BOC: variants seen among roughly 807,000 people sequenced by gnomAD.
BOC encodes the protein brother of CDO.
A neutral mutation model predicts 112.0 loss-of-function variants in BOC; 76 were observed. The observed-to-expected ratio is 0.68, with a 90% CI of 0.56 to 0.82. The LOEUF is 0.82. Ranked by LOEUF, BOC falls within the 40% of genes least tolerant of loss-of-function variation. The probability of loss-of-function intolerance (pLI) is 0.00; values close to 1 mark genes in which losing one functional copy is unlikely to be tolerated. For missense variants in BOC, 1,309 were observed against 1,511.7 expected, an observed-to-expected ratio of 0.87 and a Z score of 2.22; for synonymous variants, 580 against 599.8, an observed-to-expected ratio of 0.97 and a Z score of 0.48.
At chr3:113,261,502 A>G (rs1444037240) in intron 4 of BOC, among the ~76,000 whole-genome samples, 1 of 152,232 alleles carries the variant, frequency 6.6e-6, no homozygotes, top group East Asian at 1.9e-4. Context: ...GAAGTCGGGT[A>G]GATGAGATGG....
chr3:113,233,148 G>GGTGGGTGTGTGT (rs1942905286), intron 2 of BOC, among the ~76,000 whole-genome samples: 2 of 123,960 alleles, frequency 1.6e-5, no homozygotes, highest in Admixed American at 1.7e-4. Flanking sequence ...AAAGGATTGG[G>GGTGGGTGTGTGT]GTGTGTGTGT....
chr3:113,241,606 A>G (rs1559828589), intron 2 of BOC, among the ~76,000 whole-genome samples: 1 of 152,220 alleles, frequency 6.6e-6, no homozygotes, highest in Non-Finnish European at 1.5e-5. Flanking sequence ...AAAAACAGAA[A>G]GAAAGTGGGA....
At chr3:113,253,336 T>G (rs1207031258) in intron 4 of BOC, among the ~76,000 whole-genome samples, 2 of 152,132 alleles carry the variant, frequency 1.3e-5, no homozygotes, top group African/African-American at 4.8e-5. Flanking sequence ...ACACCTGTAA[T>G]CCCAGCACTT....
rs1005858636 is a variant in BOC at position 113,249,952 on chromosome 3, G to A, written c.97+53G>A. ...CCTTACAGTCAAATGGAAACATTCCGCATTCTACAATAACTCTTTAAAAAG... is the reference window on the plus strand; with the variant it reads ...CCTTACAGTCAAATGGAAACATTCCACATTCTACAATAACTCTTTAAAAAG... On this transcript the variant is annotated intron_variant, in intron 3 of 19. Coordinates refer to ENST00000682979, the MANE Select transcript of BOC (RefSeq NM_001378074.1). 73 of 1,481,514 alleles carry A rather than the reference G, an allele frequency of 4.9e-5. No homozygotes were observed. In the Admixed American group the frequency reaches 6.7e-4, roughly 14 times the overall value. The allele number at this position is 1,481,514 out of a possible 1,614,324, so 91.8% of individuals were successfully genotyped here. A position where few individuals can be genotyped will look rare whatever the true frequency, so the allele number is the denominator to read the frequency against.
At position 113,273,259 on chromosome 3, in the gene BOC, G is replaced by A. The variant is rs1018129619; in HGVS notation, c.1152G>A (p.Glu384=). 9 of 1,613,108 alleles carry A rather than the reference G, an allele frequency of 5.6e-6. No individual in the cohort carries two copies. The highest frequency in any genetic ancestry group is 5.9e-6 in the Non-Finnish European group (7 of 1,179,748). The change falls in exon 8 of 20, where the codon GAG becomes GAA. Residue 384 remains glutamate (E), a synonymous_variant. Coordinates refer to ENST00000682979, the MANE Select transcript of BOC (RefSeq NM_001378074.1). ...TGCGCGTGCTCAGCATGGGGCCTGA[G>A]GACGAAGGCGTCTACCAGTGCATGG... ...RALRVLSMGP[E]DEGVYQCMAE... is the part of the protein sequence containing the mutation.
intron 2 of BOC, among the ~76,000 whole-genome samples, chr3:113,224,726 A>C (rs539882842): frequency 6.6e-6 from 1 of 152,206 alleles, no homozygotes; most frequent in South Asian, 2.1e-4. Context: ...TTAGAGGCCA[A>C]GGCAGGCAGA....
chr3:113,283,550 T>G lies in BOC; in HGVS notation c.2574T>G (p.Ile858Met), dbSNP rs1424303822. Reference protein sequence around the residue: ...VARSSDLPYLIVGVVLGSIVL... With the variant: ...VARSSDLPYLMVGVVLGSIVL... ...GCTCCAGCGACCTGCCCTATCTGAT[T>G]GTCGGGGTCGTCCTGGGCTCCATCG... Residue 858 changes from isoleucine to methionine, a missense_variant, in exon 16 of 20, where the codon ATT becomes ATG. Physicochemically the swap from Ile to Met is conservative, Grantham distance 10. Transcript: ENST00000682979. 1 of 1,613,846 alleles carries G rather than the reference T, an allele frequency of 6.2e-7. No individual in the cohort carries two copies. The highest frequency in any genetic ancestry group is 1.3e-5 in the African/African-American group (1 of 74,840).
chr3:113,232,941 C>T (rs1021714316), intron 2 of BOC, among the ~76,000 whole-genome samples: 4 of 152,080 alleles, frequency 2.6e-5, no homozygotes, highest in Non-Finnish European at 4.4e-5. Context: ...TTTTAAAGTT[C>T]GGGGTAAGGG....
intron 2 of BOC, among the ~76,000 whole-genome samples, chr3:113,240,183 A>G (rs750851751): frequency 2.0e-5 from 3 of 152,236 alleles, no homozygotes; most frequent in Non-Finnish European, 4.4e-5. Flanking sequence ...CTAGGAAACT[A>G]GAGATTGATG....
At chr3:113,284,922 A>T in intron 18 of BOC, 64 bp downstream of exon 18, 4 of 1,455,880 alleles carry the variant, frequency 2.7e-6, no homozygotes, top group African/African-American at 1.4e-5. Context: ...TAGCTCCTCA[A>T]ATCCAAGGCC....
intron 4 of BOC, among the ~76,000 whole-genome samples, chr3:113,264,559 G>T (rs1209043420): frequency 6.6e-6 from 1 of 152,178 alleles, no homozygotes. Flanking sequence ...GGAACAGGCT[G>T]GTTTCCTTCA....
chr3:113,274,561 C>A lies in BOC; in HGVS notation c.1421C>A (p.Ala474Asp). ...GEKGQGAPAE[A>D]PIILSSPRTS... Reference sequence around the variant, plus strand: ...AAGGGGCAGGGGGCTCCCGCCGAGGCTCCCATCATCCTCAGCTCGCCCCGC... The same window carrying A: ...AAGGGGCAGGGGGCTCCCGCCGAGGATCCCATCATCCTCAGCTCGCCCCGC... Residue 474 changes from alanine to aspartate, a missense_variant, in exon 9 of 20, where the codon GCT becomes GAT. Physicochemically the swap from Ala to Asp is moderately radical, Grantham distance 126. Transcript: ENST00000682979. The surrounding 1 kb of genome is among the most constrained non-coding windows in gnomAD (Gnocchi z 4.8). 2 of 1,613,602 alleles carry A rather than the reference C, an allele frequency of 1.2e-6. No homozygotes were observed. Among genetic ancestry groups the A allele is most frequent in the South Asian group, 1.1e-5 (1 of 91,084 alleles).
At chr3:113,257,838 C>T (rs1212758522) in intron 4 of BOC, among the ~76,000 whole-genome samples, 1 of 152,188 alleles carries the variant, frequency 6.6e-6, no homozygotes, top group East Asian at 1.9e-4. Context: ...ACTTGAAAAA[C>T]AGCAAAGCAC....
intron 2 of BOC, among the ~76,000 whole-genome samples, chr3:113,236,228 A>ATGTG (rs765387902): frequency 0.013 from 1,008 of 77,854 alleles, 39 homozygotes; most frequent in African/African-American, 0.033. Flanking sequence ...ATATACGTAT[A>ATGTG]TGTGTGTGTG....
chr3:113,237,208 T>G (rs1351951697), intron 2 of BOC, among the ~76,000 whole-genome samples: 2 of 152,156 alleles, frequency 1.3e-5, no homozygotes. Context: ...GTGGTAAAGA[T>G]TAAAAGTGTT....
chr3:113,262,853 A>G (rs1947039335), intron 4 of BOC, among the ~76,000 whole-genome samples: 1 of 152,198 alleles, frequency 6.6e-6, no homozygotes, highest in Non-Finnish European at 1.5e-5. Context: ...GAGAGCCCCC[A>G]TATTGTCCAG....
intron 2 of BOC, among the ~76,000 whole-genome samples, chr3:113,241,443 C>T (rs547178335): frequency 2.6e-5 from 4 of 152,232 alleles, no homozygotes; most frequent in Admixed American, 2.6e-4. Context: ...CCGGGAACTC[C>T]TACTTCTCAC....
At chr3:113,273,784 G>T (rs774453332) in intron 8 of BOC, among the ~76,000 whole-genome samples, 2 of 152,180 alleles carry the variant, frequency 1.3e-5, no homozygotes, top group Non-Finnish European at 2.9e-5. Flanking sequence ...ATACAGCAAT[G>T]AATATAATAC....
chr3:113,248,129 AG>A (rs1945156586), intron 2 of BOC, among the ~76,000 whole-genome samples: 1 of 152,136 alleles, frequency 6.6e-6, no homozygotes, highest in Non-Finnish European at 1.5e-5. Flanking sequence ...TCTGGTTTGG[AG>A]GGGTGCTCAT....
Sources: allele counts gnomAD v4.1 joint callset (sites outside exome capture counted in the v4.1 genomes callset), GRCh38; gene constraint gnomAD v4.1.1; non-coding constraint Gnocchi (gnomAD v3.1); transcripts MANE v1.5; gene names NCBI Gene and HGNC (gene_info 2026-07-23, HGNC 2026-07-21).